The following KCNIP4 variants were observed in gnomAD, a reference collection of about 807,000 sequenced individuals.
The protein encoded by KCNIP4 is potassium voltage-gated channel interacting protein 4.
In KCNIP4, 12 loss-of-function variants were observed where a neutral mutation model predicts 34.0. The ratio of observed to expected loss-of-function variants is 0.35; its 90% CI spans 0.23 to 0.57. The LOEUF (loss-of-function observed/expected upper bound fraction) is 0.57. KCNIP4 is among the 20% of genes least tolerant of loss of function. KCNIP4 has a pLI of 0.83. For synonymous variants in KCNIP4, 124 were observed against 102.2 expected (o/e 1.21, Z -1.29); for missense variants, 238 against 311.7 (o/e 0.76, Z 1.78).
intron 1 of KCNIP4, among the ~76,000 whole-genome samples, chr4:21,329,823 T>C (rs1197822132): frequency 6.6e-6 from 1 of 152,176 alleles, no homozygotes; most frequent in Non-Finnish European, 1.5e-5. Flanking sequence ...ATGATAAGCA[T>C]TGTTAGCCTA....
intron 1 of KCNIP4, among the ~76,000 whole-genome samples, chr4:21,416,844 C>T (rs1319680541): frequency 6.6e-6 from 1 of 152,136 alleles, no homozygotes; most frequent in African/African-American, 2.4e-5. Context: ...AAGAATTCCA[C>T]TTGTTCAGGA....
At chr4:20,737,956 A>G (rs1232435976) in intron 5 of KCNIP4, among the ~76,000 whole-genome samples, 3 of 152,058 alleles carry the variant, frequency 2.0e-5, no homozygotes, top group Admixed American at 2.0e-4. Flanking sequence ...ACGCAGCCAG[A>G]TCCAAATTAA....
At chr4:21,895,700 C>T (rs1031482669) in intron 1 of KCNIP4, among the ~76,000 whole-genome samples, 1 of 152,120 alleles carries the variant, frequency 6.6e-6, no homozygotes, top group African/African-American at 2.4e-5. Context: ...ATAGCGAGAA[C>T]CACAACAGGA....
At chr4:21,242,771 C>G (rs1759932854) in intron 1 of KCNIP4, among the ~76,000 whole-genome samples, 1 of 151,958 alleles carries the variant, frequency 6.6e-6, no homozygotes, top group South Asian at 2.1e-4. Context: ...AAGGGTTTTC[C>G]TAGGACTCCA....
chr4:21,653,548 T>C (rs913329052), intron 1 of KCNIP4, among the ~76,000 whole-genome samples: 3 of 152,194 alleles, frequency 2.0e-5, no homozygotes, highest in African/African-American at 7.2e-5. Flanking sequence ...TCTATTTCTA[T>C]ATAGATAAAT....
At chr4:21,831,663 C>A (rs1446378442) in intron 1 of KCNIP4, among the ~76,000 whole-genome samples, 319 of 73,196 alleles carry the variant, frequency 4.4e-3, no homozygotes, top group South Asian at 6.7e-3. Context: ...CATTTTTCAT[C>A]AAAAAAAAAA....
At chr4:21,758,143 C>T (rs6856781) in intron 1 of KCNIP4, among the ~76,000 whole-genome samples, 97,685 of 152,052 alleles carry the variant, frequency 0.64, 33,250 homozygotes, top group African/African-American at 0.83. Context: ...AAACAATAAG[C>T]GAAATCATTC....
chr4:20,798,932 G>A (rs1035573782), intron 3 of KCNIP4, among the ~76,000 whole-genome samples: 6 of 152,114 alleles, frequency 3.9e-5, no homozygotes, highest in Non-Finnish European at 5.9e-5. Context: ...TCTCCCCACT[G>A]CCCCCTGTCC....
At chr4:21,027,313 G>T (rs2149758093) in intron 1 of KCNIP4, among the ~76,000 whole-genome samples, 1 of 152,202 alleles carries the variant, frequency 6.6e-6, no homozygotes, top group Admixed American at 6.5e-5. Context: ...GAGTAGAGTG[G>T]TTGGAACAGA....
At chr4:21,486,805 A>G (rs1392008947) in intron 1 of KCNIP4, among the ~76,000 whole-genome samples, 1 of 151,870 alleles carries the variant, frequency 6.6e-6, no homozygotes, top group Non-Finnish European at 1.5e-5. Context: ...ATATTGACAC[A>G]TATTTATTAC....
At chr4:21,519,363 C>A (rs1049923583) in intron 1 of KCNIP4, among the ~76,000 whole-genome samples, 3 of 141,384 alleles carry the variant, frequency 2.1e-5, no homozygotes, top group South Asian at 4.7e-4. Context: ...CACACACACA[C>A]ACACACACAC....
rs551176038 is a variant in KCNIP4, at chr4:20,803,470, C to CAAAAAAAAA, written c.289-44589_289-44581dup. ...GAACATGGCAAAACCTCATCTTTAC[C>CAAAAAAAAA]AAAAAAAAAAAAAAAAAAAAAAAAA... On this transcript the variant is annotated intron_variant, in intron 3 of 8. Transcript: ENST00000382152. 3.4e-4 allele frequency among the ~76,000 whole-genome samples: 29 copies of CAAAAAAAAA among 85,886 alleles called. 2 individuals are homozygous for CAAAAAAAAA. The highest frequency in any genetic ancestry group is 1.2e-3 in the African/African-American group (23 of 19,418). 56.3% of individuals were successfully genotyped at this position (85,886 alleles called of 152,430 possible). A position where few individuals can be genotyped will look rare whatever the true frequency, so the allele number is the denominator to read the frequency against.
At chr4:21,302,071 A>C (rs573536788) in intron 1 of KCNIP4, among the ~76,000 whole-genome samples, 1 of 152,344 alleles carries the variant, frequency 6.6e-6, no homozygotes, top group South Asian at 2.1e-4. Flanking sequence ...CCATAGTATT[A>C]GTCCAAGATT....
At chr4:21,249,248 C>T (rs1371284286) in intron 1 of KCNIP4, among the ~76,000 whole-genome samples, 3 of 151,844 alleles carry the variant, frequency 2.0e-5, no homozygotes, top group Non-Finnish European at 2.9e-5. Context: ...ATACATATAA[C>T]CATATCAAAA....
chr4:21,123,015 C>T (rs1266615821), intron 1 of KCNIP4, among the ~76,000 whole-genome samples: 1 of 152,022 alleles, frequency 6.6e-6, no homozygotes, highest in African/African-American at 2.4e-5. Flanking sequence ...TCAAGACCAT[C>T]CTGGCTAACA....
At chr4:21,192,554 T>G (rs1755728596) in intron 1 of KCNIP4, among the ~76,000 whole-genome samples, 1 of 152,130 alleles carries the variant, frequency 6.6e-6, no homozygotes, top group East Asian at 1.9e-4. Flanking sequence ...TCAGGTTTCT[T>G]ATTCAGCCGT....
At chr4:21,114,178 T>G (rs543964826) in intron 1 of KCNIP4, among the ~76,000 whole-genome samples, 1 of 152,298 alleles carries the variant, frequency 6.6e-6, no homozygotes, top group East Asian at 1.9e-4. Context: ...TAAGGCCTCC[T>G]CTTTTGTCTC....
intron 1 of KCNIP4, among the ~76,000 whole-genome samples, chr4:21,015,921 T>C (rs1739494543): frequency 7.0e-6 from 1 of 143,394 alleles, no homozygotes; most frequent in Non-Finnish European, 1.5e-5. Context: ...AATATATAAA[T>C]ATATATAAAT....
At chr4:21,708,261 G>A (rs1278843454) in intron 1 of KCNIP4, among the ~76,000 whole-genome samples, 1 of 151,878 alleles carries the variant, frequency 6.6e-6, no homozygotes, top group Non-Finnish European at 1.5e-5. Context: ...GAGATCACTG[G>A]AGCTCATCCA....
Sources: gnomAD v4.1 joint callset for allele counts (sites outside exome capture counted in the v4.1 genomes callset) on GRCh38, gnomAD v4.1.1 for gene constraint, MANE v1.5 for transcripts, NCBI Gene and HGNC (gene_info 2026-07-23, HGNC 2026-07-21) for gene names.